BACE2: variants seen among roughly 807,000 people sequenced by gnomAD.
BACE2 encodes 56 kDa aspartic-like protease.
BACE2 carries 17 observed loss-of-function variants against 46.2 expected under a neutral mutation model. The ratio of observed to expected loss-of-function variants is 0.37; its 90% CI spans 0.25 to 0.55. The LOEUF (loss-of-function observed/expected upper bound fraction) is 0.55. Among genes scored for constraint, BACE2 ranks in the 20% least tolerant of loss-of-function variants. The pLI is 0.82. For missense variants in BACE2, 595 were observed against 698.1 expected, an observed-to-expected ratio of 0.85 and a Z score of 1.66; for synonymous variants, 277 against 295.9, an observed-to-expected ratio of 0.94 and a Z score of 0.66.
At chr21:41,218,952 T>G (rs759014099) in intron 1 of BACE2, among the ~76,000 whole-genome samples, 1 of 150,834 alleles carries the variant, frequency 6.6e-6, no homozygotes, top group Middle Eastern at 3.4e-3. Context: ...AACCTCCGCC[T>G]CCCGGGTTCA....
intron 1 of BACE2, among the ~76,000 whole-genome samples, chr21:41,187,340 G>T (rs1387846637): frequency 6.6e-6 from 1 of 152,230 alleles, no homozygotes; most frequent in African/African-American, 2.4e-5. Context: ...ACAGGTGCTT[G>T]CATTAGAGGC....
chr21:41,262,958 G>T (rs1354426006), intron 8 of BACE2, among the ~76,000 whole-genome samples: 1 of 149,616 alleles, frequency 6.7e-6, no homozygotes, highest in African/African-American at 2.4e-5. Context: ...TAAATCACTT[G>T]TAGTTGTTAT....
intron 7 of BACE2, among the ~76,000 whole-genome samples, chr21:41,255,861 T>C (rs1027402110): frequency 1.3e-5 from 2 of 152,240 alleles, no homozygotes; most frequent in African/African-American, 4.8e-5. Context: ...CTTTCCAGCC[T>C]AGCTCTGGCA....
At chr21:41,188,775 G>A (rs916011674) in intron 1 of BACE2, among the ~76,000 whole-genome samples, 6 of 152,206 alleles carry the variant, frequency 3.9e-5, no homozygotes, top group African/African-American at 7.2e-5. Flanking sequence ...ACATGGTGGT[G>A]GGAATCCAAG....
intron 1 of BACE2, chr21:41,183,918 T>G (rs1210036495): frequency 1.2e-5 from 2 of 167,078 alleles, no homozygotes; most frequent in African/African-American, 4.8e-5. Flanking sequence ...AAGTCTTGTC[T>G]AGGCATCCCA....
chr21:41,251,406 C>T (rs910023299), intron 7 of BACE2, among the ~76,000 whole-genome samples: 3 of 152,178 alleles, frequency 2.0e-5, no homozygotes, highest in Non-Finnish European at 2.9e-5. Context: ...GCCATGGAGC[C>T]GCATTGCCAA....
At chr21:41,188,400 G>A (rs950857680) in intron 1 of BACE2, among the ~76,000 whole-genome samples, 2 of 152,168 alleles carry the variant, frequency 1.3e-5, no homozygotes, top group Non-Finnish European at 2.9e-5. Context: ...TGGTTGGCAG[G>A]CCTATGCAAA....
chr21:41,240,431 C>T (rs897434724), intron 3 of BACE2, among the ~76,000 whole-genome samples: 13 of 152,242 alleles, frequency 8.5e-5, no homozygotes, highest in African/African-American at 1.9e-4. Context: ...GCAGCTCCTT[C>T]GCTGTGTGCG....
At chr21:41,179,317 G>C (rs1471591209) in intron 1 of BACE2, 1 of 1,308,986 alleles carries the variant, frequency 7.6e-7, no homozygotes, top group Non-Finnish European at 1.0e-6. Context: ...GGGTGAGTGA[G>C]AGTGTCCAGG....
chr21:41,221,094 C>A (rs1286384033), intron 1 of BACE2, among the ~76,000 whole-genome samples: 1 of 150,158 alleles, frequency 6.7e-6, no homozygotes, highest in East Asian at 1.9e-4. Context: ...GTTTTAGATT[C>A]ACTTCAAACC....
At position 41,199,689 on chromosome 21, in the gene BACE2, A is replaced by G. The variant is rs967475884; in HGVS notation, c.313-26577A>G. 2.6e-5 allele frequency among the ~76,000 whole-genome samples: 4 copies of G among 152,154 alleles called. No homozygotes were observed. In the South Asian group the frequency reaches 8.3e-4, roughly 32 times the overall value. ...CCCACTCACGCTTCCTACTTGTTCT[A>G]GCCGGGCTTCGATTCCCTCCGCACT... On this transcript the variant is annotated intron_variant, in intron 1 of 8. Transcript: ENST00000330333.
intron 1 of BACE2, among the ~76,000 whole-genome samples, chr21:41,223,006 C>G (rs1272876154): frequency 6.6e-6 from 1 of 152,180 alleles, no homozygotes; most frequent in African/African-American, 2.4e-5. Flanking sequence ...GATGTCCCAT[C>G]TCAAGATGTT....
chr21:41,169,658 A>T (rs190292020), intron 1 of BACE2, among the ~76,000 whole-genome samples: 1 of 152,244 alleles, frequency 6.6e-6, no homozygotes, highest in Non-Finnish European at 1.5e-5. Flanking sequence ...TTCTCATTAA[A>T]TTATTCAAGA....
Position 41,190,413 on chromosome 21 carries a change from A to T in BACE2, c.312+21838A>T, listed in dbSNP as rs377007122. On this transcript the variant is annotated intron_variant, in intron 1 of 8. Coordinates refer to ENST00000330333, the MANE Select transcript of BACE2 (RefSeq NM_012105.5). ...TAAATCTTATGTCACATGCTAAAGG[A>T]AAAAGGAAATAAAATCAAGATATTT... 2.0e-5 allele frequency among the ~76,000 whole-genome samples: 3 copies of T among 152,248 alleles called. No individual in the cohort carries two copies. In the East Asian group the frequency reaches 5.8e-4, roughly 29 times the overall value.
chr21:41,225,591 A>G (rs1037258657), intron 1 of BACE2: 2 of 152,272 alleles, frequency 1.3e-5, no homozygotes, highest in Non-Finnish European at 2.9e-5. Context: ...AAAGCCAGAA[A>G]GTGGTTGCTT....
chr21:41,261,101 A>G (rs1361788816), intron 8 of BACE2, among the ~76,000 whole-genome samples: 1 of 152,160 alleles, frequency 6.6e-6, no homozygotes, highest in East Asian at 1.9e-4. Context: ...CTGTATTGGC[A>G]ATTATAAACC....
rs562903349 is a variant in BACE2 at position 41,173,905 on chromosome 21, G to C, written c.312+5330G>C. Reference sequence around the variant, plus strand: ...ACTTATGTTGGGATGGATGTAGAAAGCTTCAGTATTTCATGTTTTAAAGAC... The same window carrying C: ...ACTTATGTTGGGATGGATGTAGAAACCTTCAGTATTTCATGTTTTAAAGAC... On this transcript the variant is annotated intron_variant, in intron 1 of 8. Transcript: ENST00000330333. 4.3e-4 allele frequency among the ~76,000 whole-genome samples: 66 copies of C among 152,108 alleles called. No individual in the cohort carries two copies. The South Asian group carries it at 6.2e-3, about 14-fold the overall frequency.
chr21:41,191,335 A>G (rs7278308), intron 1 of BACE2, among the ~76,000 whole-genome samples: 33,812 of 152,124 alleles, frequency 0.22, 5,364 homozygotes, highest in African/African-American at 0.45. Flanking sequence ...GCCCACTGTC[A>G]CACTTCTTTA....
At chr21:41,227,870 C>G (rs1374337264) in intron 2 of BACE2, among the ~76,000 whole-genome samples, 3 of 152,170 alleles carry the variant, frequency 2.0e-5, no homozygotes, top group Admixed American at 1.3e-4. Flanking sequence ...GCTGCCCCGT[C>G]CCACTCAGAT....
Sources: gnomAD v4.1 joint callset for allele counts (sites outside exome capture counted in the v4.1 genomes callset) on GRCh38, gnomAD v4.1.1 for gene constraint, MANE v1.5 for transcripts, NCBI Gene and HGNC (gene_info 2026-07-23, HGNC 2026-07-21) for gene names.